PRSS12: variants seen among roughly 807,000 people sequenced by gnomAD.
PRSS12 encodes neurotrypsin.
Under a neutral mutation model 104.4 loss-of-function variants are expected in PRSS12, and 85 were observed. That is an observed-to-expected ratio of 0.81 (90% CI 0.68 to 0.98). The LOEUF is 0.98. PRSS12 is among the 50% of genes least tolerant of loss of function. PRSS12 has a pLI of 0.00. For missense variants in PRSS12, 1,141 were observed against 1,139.2 expected, an observed-to-expected ratio of 1.00 and a Z score of -0.02; for synonymous variants, 454 against 425.2, an observed-to-expected ratio of 1.07 and a Z score of -0.83.
In PRSS12 at chr4:118,298,931, C is replaced by A. The variant is rs1395261908; in HGVS notation, c.1639G>T (p.Ala547Ser). Reference protein sequence around the residue: ...ICRQLGYKGPARARTMAYFGE... With the variant: ...ICRQLGYKGPSRARTMAYFGE... ...AAGTAAGCCATGGTTCTTGCTCTGGCAGGACCCCTGAAGACAGAACATTCT... is the reference window on the plus strand; with the variant it reads ...AAGTAAGCCATGGTTCTTGCTCTGGAAGGACCCCTGAAGACAGAACATTCT... The change falls in exon 9 of 13, where the codon GCC (alanine) becomes TCC (serine). Residue 547 changes from alanine to serine, a missense_variant. By Grantham distance (99) the Ala-to-Ser change is moderately conservative. Coordinates refer to ENST00000296498, the MANE Select transcript of PRSS12 (RefSeq NM_003619.4). The A allele has an allele frequency of 2.5e-6, 4 of 1,614,034 alleles. No individual in the cohort carries two copies. The highest frequency in any genetic ancestry group is 3.4e-6 in the Non-Finnish European group (4 of 1,180,022).
intron 1 of PRSS12, among the ~76,000 whole-genome samples, chr4:118,341,623 G>A (rs1429550920): frequency 2.0e-5 from 3 of 151,588 alleles, no homozygotes; most frequent in Admixed American, 2.0e-4. Flanking sequence ...CTGAGGTTGC[G>A]GCGAGCCGAG....
intron 2 of PRSS12, among the ~76,000 whole-genome samples, chr4:118,336,562 C>CT (rs1324371248): frequency 2.0e-5 from 3 of 149,744 alleles, no homozygotes; most frequent in Admixed American, 6.7e-5. Context: ...CGTGCAATTC[C>CT]TTTTTTTTTT....
At chr4:118,302,620 T>C (rs1406753327) in intron 8 of PRSS12, among the ~76,000 whole-genome samples, 1 of 152,188 alleles carries the variant, frequency 6.6e-6, no homozygotes, top group Non-Finnish European at 1.5e-5. Context: ...AGAGATGGGG[T>C]TTCACCATGT....
chr4:118,286,734 C>T (rs1325382495), intron 11 of PRSS12, among the ~76,000 whole-genome samples: 2 of 152,102 alleles, frequency 1.3e-5, no homozygotes, highest in East Asian at 3.9e-4. Context: ...TTATCAATTA[C>T]CATATTATAA....
At chr4:118,310,620 A>G (rs1490668395) in intron 7 of PRSS12, among the ~76,000 whole-genome samples, 2 of 152,224 alleles carry the variant, frequency 1.3e-5, no homozygotes, top group African/African-American at 4.8e-5. Flanking sequence ...ATATTGGTAT[A>G]CAGTTATCTT....
Position 118,342,021 on chromosome 4 carries a change from G to A in PRSS12, c.503-3707C>T, listed in dbSNP as rs1371614667. 2.6e-5 allele frequency among the ~76,000 whole-genome samples: 4 copies of A among 152,134 alleles called. No homozygotes were observed. In the South Asian group the frequency reaches 8.3e-4, roughly 31 times the overall value. ...AAGTAGCCTGAAGTTTCTTTACACCGTGGAACAGGAGAGAAGTGGCTTTCT... is the reference window on the plus strand; with the variant it reads ...AAGTAGCCTGAAGTTTCTTTACACCATGGAACAGGAGAGAAGTGGCTTTCT... On this transcript the variant is annotated intron_variant, in intron 1 of 12. Transcript: ENST00000296498.
At chr4:118,322,382 T>A (rs1723651331) in intron 4 of PRSS12, among the ~76,000 whole-genome samples, 1 of 151,904 alleles carries the variant, frequency 6.6e-6, no homozygotes, top group Admixed American at 6.6e-5. Flanking sequence ...AAACCCTATC[T>A]CTACTAAAAA....
At chr4:118,307,620 T>C (rs1560771999) in intron 8 of PRSS12, among the ~76,000 whole-genome samples, 1 of 152,136 alleles carries the variant, frequency 6.6e-6, no homozygotes, top group African/African-American at 2.4e-5. Context: ...GCAGAGCCAG[T>C]AAAATTTTAA....
At chr4:118,337,130 C>G (rs1001228248) in intron 2 of PRSS12, among the ~76,000 whole-genome samples, 4 of 152,186 alleles carry the variant, frequency 2.6e-5, no homozygotes, top group African/African-American at 7.2e-5. Flanking sequence ...CATTCCTCAG[C>G]TTCCTAGTGG....
intron 4 of PRSS12, among the ~76,000 whole-genome samples, chr4:118,326,995 CAAAT>C (rs1723790626): frequency 1.3e-5 from 2 of 151,984 alleles, no homozygotes; most frequent in South Asian, 2.1e-4. Flanking sequence ...AATAAATAAA[CAAAT>C]AAATAAATAA....
chr4:118,319,198 T>A (rs1447006548), intron 4 of PRSS12, among the ~76,000 whole-genome samples: 2 of 152,154 alleles, frequency 1.3e-5, no homozygotes, highest in Admixed American at 6.5e-5. Flanking sequence ...TTGCTAGGAA[T>A]ACAGGTATAT....
intron 4 of PRSS12, among the ~76,000 whole-genome samples, chr4:118,327,417 G>A (rs1029845227): frequency 1.3e-5 from 2 of 152,072 alleles, no homozygotes; most frequent in African/African-American, 4.8e-5. Context: ...CCCACAAAGT[G>A]TTGGGATTAT....
intron 11 of PRSS12, among the ~76,000 whole-genome samples, chr4:118,287,984 G>A (rs1743048562): frequency 6.6e-6 from 1 of 152,078 alleles, no homozygotes; most frequent in South Asian, 2.1e-4. Flanking sequence ...AAAATCCAAT[G>A]TCCAAGTTTC....
At chr4:118,293,372 CCAAATGGGG>C (rs1463078106) in intron 11 of PRSS12, among the ~76,000 whole-genome samples, 1 of 152,064 alleles carries the variant, frequency 6.6e-6, no homozygotes, top group Admixed American at 6.5e-5. Context: ...AATATCTTCA[CCAAATGGGG>C]CAAAGATTTT....
intron 4 of PRSS12, among the ~76,000 whole-genome samples, chr4:118,328,801 T>C (rs1158784223): frequency 6.6e-6 from 1 of 152,102 alleles, no homozygotes; most frequent in Non-Finnish European, 1.5e-5. Flanking sequence ...TTTTTTCTTT[T>C]TCCTTTTCTT....
chr4:118,302,661 G>A (rs767378614), intron 8 of PRSS12, among the ~76,000 whole-genome samples: 90 of 152,220 alleles, frequency 5.9e-4, no homozygotes, highest in African/African-American at 1.9e-3. Context: ...TCCTGGCCTC[G>A]AGAGATCTGC....
chr4:118,312,359 T>TAC lies in PRSS12; in HGVS notation c.1489+840_1489+841dup, dbSNP rs112357551. On this transcript the variant is annotated intron_variant, in intron 7 of 12. Coordinates refer to ENST00000296498, the MANE Select transcript of PRSS12 (RefSeq NM_003619.4). The stretch of plus-strand genomic sequence containing the variant: ...CTATTTTAACATCTATTCATACACA[T>TAC]ACACACACACACACACGCACACACA... Among the ~76,000 whole-genome samples the TAC allele has an allele frequency of 8.2e-4, 123 of 150,462 alleles. 1 individual carries two copies. Among genetic ancestry groups the TAC allele is most frequent in the African/African-American group, 2.4e-3 (99 of 41,200 alleles).
chr4:118,325,194 C>A (rs893773585), intron 4 of PRSS12, among the ~76,000 whole-genome samples: 1 of 151,858 alleles, frequency 6.6e-6, no homozygotes, highest in Non-Finnish European at 1.5e-5. Flanking sequence ...ATATTGAACA[C>A]ACATGGACAT....
chr4:118,339,782 A>AT (rs1038549125), intron 1 of PRSS12, among the ~76,000 whole-genome samples: 2 of 152,188 alleles, frequency 1.3e-5, no homozygotes, highest in Non-Finnish European at 2.9e-5. Flanking sequence ...ATCTTTAATG[A>AT]TTTTTTATAT....
Sources: allele counts gnomAD v4.1 joint callset (sites outside exome capture counted in the v4.1 genomes callset), GRCh38; gene constraint gnomAD v4.1.1; transcripts MANE v1.5; gene names NCBI Gene and HGNC (gene_info 2026-07-23, HGNC 2026-07-21).